Variants in DTNBP1 observed in about 807,000 individuals in gnomAD.
DTNBP1 encodes the protein dystrobrevin binding protein 1.
A neutral mutation model predicts 42.8 loss-of-function variants in DTNBP1; 35 were observed. The observed-to-expected ratio is 0.82, with a 90% CI of 0.63 to 1.09. The LOEUF is 1.09. Among genes scored for constraint, DTNBP1 ranks in the 50% least tolerant of loss-of-function variants. The pLI, the probability that DTNBP1 is intolerant of heterozygous loss-of-function variation, is 0.00. For missense variants in DTNBP1, 457 were observed against 424.2 expected, an observed-to-expected ratio of 1.08 and a Z score of -0.68; for synonymous variants, 171 against 162.2, an observed-to-expected ratio of 1.05 and a Z score of -0.41.
intron 7 of DTNBP1, among the ~76,000 whole-genome samples, chr6:15,553,247 C>T (rs879709487): frequency 1.3e-5 from 2 of 151,930 alleles, no homozygotes; most frequent in Admixed American, 6.6e-5. Flanking sequence ...GAAGCACAGC[C>T]TCAGGCCAGA....
In DTNBP1 at chr6:15,572,552, G is replaced by A. The variant is rs150775645; in HGVS notation, c.511+20507C>T. Among the ~76,000 whole-genome samples, 82 of 152,260 alleles carry A rather than the reference G, an allele frequency of 5.4e-4. No homozygotes were observed. In the East Asian group the frequency reaches 0.014, roughly 25 times the overall value. ...TTACTCTTATATACAGCACTTCTAC[G>A]TAAATACCAGGCACAGCTGTAAACC... On this transcript the variant is annotated intron_variant, in intron 7 of 9. Transcript: ENST00000344537.
chr6:15,523,148 G>C lies in DTNBP1; in HGVS notation c.883C>G (p.Pro295Ala). Residue 295 changes from proline (P) to alanine (A), a missense_variant, in exon 10 of 10, where the codon CCA becomes GCA. Pro to Ala is a conservative substitution (Grantham distance 27). Coordinates refer to ENST00000344537, the MANE Select transcript of DTNBP1 (RefSeq NM_032122.5). ...GTGCAGGTGGAGGAAGAAGAAGGTG[G>C]CTTGGCTCTTAATTCTGAGGGATTT... ...VPNPSELRAK[P>A]PSSSSTCTDS... 1 of 1,614,244 alleles carries C rather than the reference G, an allele frequency of 6.2e-7. No individual in the cohort carries two copies. Among genetic ancestry groups the C allele is most frequent in the Non-Finnish European group, 8.5e-7 (1 of 1,180,044 alleles).
chr6:15,586,420 C>A (rs1382097922), intron 7 of DTNBP1, among the ~76,000 whole-genome samples: 1 of 151,852 alleles, frequency 6.6e-6, no homozygotes, highest in Admixed American at 6.6e-5. Flanking sequence ...CCCGCTGGTC[C>A]CCTCTGAATC....
intron 7 of DTNBP1, chr6:15,545,925 G>T: frequency 5.5e-6 from 2 of 364,154 alleles, no homozygotes. Context: ...GAAGACCGGG[G>T]TCTGACTGCA....
At chr6:15,654,632 G>A (rs776288219) in intron 1 of DTNBP1, among the ~76,000 whole-genome samples, 22 of 151,284 alleles carry the variant, frequency 1.5e-4, no homozygotes, top group East Asian at 3.9e-4. Context: ...CCCCGCCACC[G>A]ACAAAAAGAA....
chr6:15,541,950 G>C (rs78885750), intron 7 of DTNBP1, among the ~76,000 whole-genome samples: 1 of 151,984 alleles, frequency 6.6e-6, no homozygotes, highest in Non-Finnish European at 1.5e-5. Context: ...AGAAAACTAG[G>C]ATAAGCCTCT....
chr6:15,532,135 G>A (rs1450262895), intron 8 of DTNBP1, among the ~76,000 whole-genome samples: 8 of 152,324 alleles, frequency 5.3e-5, no homozygotes, highest in East Asian at 1.9e-4. Flanking sequence ...AGAATGGGAG[G>A]GCAGGAAAAC....
Position 15,593,158 on chromosome 6 carries a change from T to G in DTNBP1, c.489-77A>C, listed in dbSNP as rs1284556592. On this transcript the variant is annotated intron_variant, in intron 6 of 9. Coordinates refer to ENST00000344537, the MANE Select transcript of DTNBP1 (RefSeq NM_032122.5). ...AATGAAAACTGTTCTTCCATCATAA[T>G]AAAAACTTATGTACTTTAAATGCCC... 3 of 1,339,146 alleles carry G rather than the reference T, an allele frequency of 2.2e-6. No individual in the cohort carries two copies. In the African/African-American group the frequency reaches 4.5e-5, roughly 20 times the overall value. The allele number at this position is 1,339,146 out of a possible 1,614,324, so 83.0% of individuals were successfully genotyped here.
chr6:15,585,947 A>G, intron 7 of DTNBP1: 2 of 1,353,938 alleles, frequency 1.5e-6, no homozygotes, highest in Non-Finnish European at 1.9e-6. Flanking sequence ...TGGCTTAAGC[A>G]GATATACATT....
chr6:15,523,329 G>C, intron 9 of DTNBP1, 110 bp from the exon 10 acceptor site: 1 of 1,478,034 alleles, frequency 6.8e-7, no homozygotes, highest in Non-Finnish European at 9.3e-7. Flanking sequence ...TGTGGTTTTT[G>C]TTCCAGGCAC....
At chr6:15,596,649 G>A (rs1041584595) in intron 6 of DTNBP1, among the ~76,000 whole-genome samples, 1 of 152,080 alleles carries the variant, frequency 6.6e-6, no homozygotes, top group African/African-American at 2.4e-5. Context: ...TCTCTCCTCA[G>A]CTTACATTCG....
At chr6:15,653,346 G>T (rs1482343944) in intron 1 of DTNBP1, among the ~76,000 whole-genome samples, 1 of 152,084 alleles carries the variant, frequency 6.6e-6, no homozygotes, top group Non-Finnish European at 1.5e-5. Flanking sequence ...CCAATCTATG[G>T]TAGTTTTGTG....
At chr6:15,608,724 T>C (rs1389823946) in intron 6 of DTNBP1, among the ~76,000 whole-genome samples, 2 of 152,266 alleles carry the variant, frequency 1.3e-5, no homozygotes, top group African/African-American at 2.4e-5. Context: ...TCATGCTTGA[T>C]GAAAATTTTG....
chr6:15,627,133 C>T (rs914033288), intron 5 of DTNBP1, among the ~76,000 whole-genome samples: 2 of 152,140 alleles, frequency 1.3e-5, no homozygotes, highest in African/African-American at 4.8e-5. Context: ...GTGTCCGGAG[C>T]TGACCTGAGG....
intron 1 of DTNBP1, among the ~76,000 whole-genome samples, chr6:15,654,387 G>A (rs998609947): frequency 1.3e-5 from 2 of 152,096 alleles, no homozygotes; most frequent in Non-Finnish European, 2.9e-5. Context: ...GTTATATACA[G>A]CAGTGCCTCA....
chr6:15,533,143 G>A lies in DTNBP1; in HGVS notation c.667+97C>T. 5 of 1,571,986 alleles carry A rather than the reference G, an allele frequency of 3.2e-6. No homozygotes were observed. In the South Asian group the frequency reaches 3.4e-5, roughly 11 times the overall value. On this transcript the variant is annotated intron_variant, in intron 8 of 9. Transcript: ENST00000344537. ...GGTCTCATAACAGAACGGAACTTCT[G>A]AGGATTCTGCCCCATGCCCTGCTCT...
chr6:15,576,568 A>T (rs890170853), intron 7 of DTNBP1, among the ~76,000 whole-genome samples: 1 of 151,916 alleles, frequency 6.6e-6, no homozygotes, highest in Non-Finnish European at 1.5e-5. Flanking sequence ...TTAAGGCCAG[A>T]AGTTCGAGAT....
chr6:15,593,468 A>G (rs1776381129), intron 6 of DTNBP1, among the ~76,000 whole-genome samples: 1 of 152,262 alleles, frequency 6.6e-6, no homozygotes, highest in African/African-American at 2.4e-5. Flanking sequence ...TAAATATTCA[A>G]TACTGGATTT....
intron 8 of DTNBP1, among the ~76,000 whole-genome samples, chr6:15,531,151 C>T (rs190938905): frequency 1.2e-3 from 180 of 152,276 alleles, no homozygotes; most frequent in Admixed American, 2.6e-3. Context: ...AGAAACCGAT[C>T]GCGCCAGCAT....
Sources: gnomAD v4.1 joint callset for allele counts (sites outside exome capture counted in the v4.1 genomes callset) on GRCh38, gnomAD v4.1.1 for gene constraint, MANE v1.5 for transcripts, NCBI Gene and HGNC (gene_info 2026-07-23, HGNC 2026-07-21) for gene names.